Variants in FMN2 observed in about 807,000 individuals in gnomAD.
FMN2 encodes formin 2, also known as formin-2.
A neutral mutation model predicts 142.3 loss-of-function variants in FMN2; 51 were observed. The ratio of observed to expected loss-of-function variants is 0.36; its 90% CI spans 0.29 to 0.45. The LOEUF is 0.45. FMN2 is among the 20% of genes least tolerant of loss of function. FMN2 has a pLI of 1.00. For missense variants in FMN2, 1,936 were observed against 2,122.8 expected, an observed-to-expected ratio of 0.91 and a Z score of 1.73; for synonymous variants, 882 against 869.8, an observed-to-expected ratio of 1.01 and a Z score of -0.25.
At chr1:240,210,707 T>TG (rs1263403779) in intron 5 of FMN2, among the ~76,000 whole-genome samples, 1 of 152,196 alleles carries the variant, frequency 6.6e-6, no homozygotes, top group African/African-American at 2.4e-5. Flanking sequence ...CCTGTAAATA[T>TG]GTATTTTTTA....
At position 240,285,914 on chromosome 1, in the gene FMN2, G is replaced by A. The variant is rs577146992; in HGVS notation, c.4154-8908G>A. On this transcript the variant is annotated intron_variant, in intron 7 of 17. Coordinates refer to ENST00000319653, the MANE Select transcript of FMN2 (RefSeq NM_020066.5). ...TATTTTTTTTTCCTTTTTTTCCCCCGCTCTGGTTTCTAACATCCCTTGTAG... is the reference window on the plus strand; with the variant it reads ...TATTTTTTTTTCCTTTTTTTCCCCCACTCTGGTTTCTAACATCCCTTGTAG... Among the ~76,000 whole-genome samples, 9 of 151,548 alleles carry A rather than the reference G, an allele frequency of 5.9e-5. No individual in the cohort carries two copies. The East Asian group carries it at 7.8e-4, about 13-fold the overall frequency.
chr1:240,413,648 T>A (rs1197886295), intron 15 of FMN2, among the ~76,000 whole-genome samples: 1 of 152,194 alleles, frequency 6.6e-6, no homozygotes. Flanking sequence ...CCAGAGAACA[T>A]AGAAACTCAG....
intron 6 of FMN2, among the ~76,000 whole-genome samples, chr1:240,212,926 C>A (rs553159511): frequency 5.9e-5 from 9 of 152,142 alleles, no homozygotes; most frequent in African/African-American, 1.9e-4. Context: ...TCCAGCACCC[C>A]TTTTGTTTTT....
chr1:240,203,765 C>T (rs921159472), intron 4 of FMN2, among the ~76,000 whole-genome samples: 1 of 152,080 alleles, frequency 6.6e-6, no homozygotes, highest in African/African-American at 2.4e-5. Context: ...CCCACGTTGA[C>T]CTATGGAACA....
intron 6 of FMN2, among the ~76,000 whole-genome samples, chr1:240,236,346 A>C (rs1667709386): frequency 6.6e-6 from 1 of 152,168 alleles, no homozygotes; most frequent in Non-Finnish European, 1.5e-5. Context: ...TACATACTTC[A>C]GGCCCCTAAT....
At chr1:240,270,943 T>C (rs1023882694) in intron 7 of FMN2, among the ~76,000 whole-genome samples, 2 of 151,886 alleles carry the variant, frequency 1.3e-5, no homozygotes, top group African/African-American at 4.8e-5. Context: ...GTGACTATGG[T>C]TAATAATAAT....
At chr1:240,416,153 A>G (rs1333363476) in intron 15 of FMN2, among the ~76,000 whole-genome samples, 3 of 151,982 alleles carry the variant, frequency 2.0e-5, no homozygotes, top group Non-Finnish European at 2.9e-5. Context: ...CTCTCTCCTG[A>G]TTTCAACTTC....
At chr1:240,449,101 C>T (rs959381772) in intron 16 of FMN2, among the ~76,000 whole-genome samples, 2 of 151,256 alleles carry the variant, frequency 1.3e-5, no homozygotes, top group South Asian at 2.1e-4. Flanking sequence ...GAGATAGTTC[C>T]GCTGCACTCT....
chr1:240,174,631 G>T (rs1664842242), intron 2 of FMN2, among the ~76,000 whole-genome samples: 1 of 152,130 alleles, frequency 6.6e-6, no homozygotes, highest in Non-Finnish European at 1.5e-5. Flanking sequence ...CTCCCAAAGT[G>T]CTGGGATTAT....
At chr1:240,295,208 A>G (rs1056775210) in intron 8 of FMN2, among the ~76,000 whole-genome samples, 2 of 151,672 alleles carry the variant, frequency 1.3e-5, no homozygotes, top group African/African-American at 4.8e-5. Context: ...ACACACACAC[A>G]CACACACACA....
At chr1:240,392,180 A>G (rs1673626070) in intron 14 of FMN2, among the ~76,000 whole-genome samples, 1 of 151,830 alleles carries the variant, frequency 6.6e-6, no homozygotes, top group Non-Finnish European at 1.5e-5. Flanking sequence ...GTTGGCATTT[A>G]AACACTGACA....
At chr1:240,176,034 C>T (rs188306264) in intron 2 of FMN2, among the ~76,000 whole-genome samples, 5 of 152,060 alleles carry the variant, frequency 3.3e-5, no homozygotes, top group East Asian at 1.9e-4. Flanking sequence ...CTTTGATGCA[C>T]GGAAGTTTTA....
intron 16 of FMN2, among the ~76,000 whole-genome samples, chr1:240,441,911 C>A (rs898158569): frequency 6.6e-6 from 1 of 152,072 alleles, no homozygotes; most frequent in African/African-American, 2.4e-5. Flanking sequence ...GGTAATAAAA[C>A]CCCGCTCTGA....
At chr1:240,166,698 C>CT (rs1311784700) in intron 2 of FMN2, among the ~76,000 whole-genome samples, 1 of 152,128 alleles carries the variant, frequency 6.6e-6, no homozygotes, top group East Asian at 1.9e-4. Context: ...TTTGGAAACT[C>CT]TACTTTTTTT....
intron 8 of FMN2, among the ~76,000 whole-genome samples, chr1:240,299,565 A>G (rs1670121016): frequency 6.6e-6 from 1 of 152,088 alleles, no homozygotes; most frequent in African/African-American, 2.4e-5. Context: ...GTTATGTGTA[A>G]TTTTTCAAAC....
At chr1:240,409,486 T>C (rs2103123123) in intron 15 of FMN2, among the ~76,000 whole-genome samples, 1 of 152,298 alleles carries the variant, frequency 6.6e-6, no homozygotes, top group South Asian at 2.1e-4. Context: ...AGGGTGTACG[T>C]TTGCATAAGA....
intron 7 of FMN2, among the ~76,000 whole-genome samples, chr1:240,263,321 T>C (rs1668691944): frequency 1.3e-5 from 2 of 152,200 alleles, no homozygotes; most frequent in African/African-American, 2.4e-5. Flanking sequence ...AGGAATCTGC[T>C]ACCCTCATAG....
intron 8 of FMN2, among the ~76,000 whole-genome samples, chr1:240,310,554 G>T (rs1253718424): frequency 6.6e-6 from 1 of 152,156 alleles, no homozygotes; most frequent in Non-Finnish European, 1.5e-5. Flanking sequence ...GTTACTAAAT[G>T]CAGTACAACC....
In FMN2 at chr1:240,284,118, C is replaced by A. The variant is rs568794553; in HGVS notation, c.4154-10704C>A. 4.2e-4 allele frequency among the ~76,000 whole-genome samples: 64 copies of A among 152,278 alleles called. 1 individual carries two copies. The highest frequency in any genetic ancestry group is 1.3e-3 in the African/African-American group (53 of 41,564). On this transcript the variant is annotated intron_variant, in intron 7 of 17. Transcript: ENST00000319653. ...CCCTAACATATTTTATCCCCTGAAT[C>A]AATGGCAACCTACCTTAGCTTTGTT... is the stretch of plus-strand genomic sequence containing the variant.
Sources: gnomAD v4.1 joint callset for allele counts (sites outside exome capture counted in the v4.1 genomes callset) on GRCh38, gnomAD v4.1.1 for gene constraint, MANE v1.5 for transcripts, NCBI Gene and HGNC (gene_info 2026-07-23, HGNC 2026-07-21) for gene names.